FOXO3: variants seen among roughly 807,000 people sequenced by gnomAD.
FOXO3 encodes forkhead box protein O3.
In FOXO3, 4 loss-of-function variants were observed where a neutral mutation model predicts 41.9. The ratio of observed to expected loss-of-function variants is 0.10; its 90% CI spans 0.05 to 0.22. The LOEUF is 0.22. FOXO3 is among the 10% of genes least tolerant of loss of function. FOXO3 has a pLI of 1.00. For synonymous variants in FOXO3, 318 were observed against 389.3 expected, an observed-to-expected ratio of 0.82 and a Z score of 2.16; for missense variants, 534 against 906.8, an observed-to-expected ratio of 0.59 and a Z score of 5.28.
chr6:108,646,020 A>C (rs888603585), intron 1 of FOXO3, among the ~76,000 whole-genome samples: 3 of 152,156 alleles, frequency 2.0e-5, no homozygotes, highest in Non-Finnish European at 4.4e-5. Flanking sequence ...AAAGAAGTCT[A>C]GGGCTTGTGT....
chr6:108,612,564 C>T lies in FOXO3; in HGVS notation c.621+50735C>T, dbSNP rs554469011. On this transcript the variant is annotated intron_variant, in intron 1 of 2. Coordinates refer to ENST00000406360, the MANE Select transcript of FOXO3 (RefSeq NM_001455.4). ...GCGTGGTGGTGGGCACCTGTAATCC[C>T]GGCTACTCAGGAGGCTGTGGCAGAA... is the stretch of plus-strand genomic sequence containing the variant. Among the ~76,000 whole-genome samples, 75 of 151,918 alleles carry T rather than the reference C, an allele frequency of 4.9e-4. 1 individual carries two copies. In the Middle Eastern group the frequency reaches 0.02, roughly 41 times the overall value.
chr6:108,644,540 T>G (rs1414007761), intron 1 of FOXO3, among the ~76,000 whole-genome samples: 1 of 152,114 alleles, frequency 6.6e-6, no homozygotes. Flanking sequence ...TAAACTCTCC[T>G]GGGCACGATC....
chr6:108,560,862 C>T, upstream of FOXO3: 2 of 803,238 alleles, frequency 2.5e-6, no homozygotes, highest in Non-Finnish European at 3.4e-6. Context: ...GAGGGGGCTG[C>T]CCCGCGCGAG....
chr6:108,598,074 C>T (rs1265870058), intron 1 of FOXO3, among the ~76,000 whole-genome samples: 3 of 152,166 alleles, frequency 2.0e-5, no homozygotes, highest in South Asian at 2.1e-4. Context: ...ATTCCTCTCA[C>T]GGAGTTTGAG....
At chr6:108,647,457 A>C (rs1778422921) in intron 1 of FOXO3, among the ~76,000 whole-genome samples, 1 of 152,226 alleles carries the variant, frequency 6.6e-6, no homozygotes, top group Admixed American at 6.5e-5. Flanking sequence ...CACAAATAGC[A>C]TCACAGCAAA....
chr6:108,647,249 T>TG (rs1202361905), intron 1 of FOXO3, among the ~76,000 whole-genome samples: 1 of 152,216 alleles, frequency 6.6e-6, no homozygotes, highest in Non-Finnish European at 1.5e-5. Context: ...TACCCTAGAC[T>TG]GGAAGCATTA....
At chr6:108,664,931 A>G in intron 2 of FOXO3, 42 bp downstream of exon 2, 1 of 1,528,438 alleles carries the variant, frequency 6.5e-7, no homozygotes. Flanking sequence ...CAATATGGGG[A>G]TGAGGGGGGA....
chr6:108,665,934 A>G (rs913977897), intron 2 of FOXO3, among the ~76,000 whole-genome samples: 1 of 152,038 alleles, frequency 6.6e-6, no homozygotes, highest in Admixed American at 6.6e-5. Context: ...GTTTCCAAAC[A>G]TAGAGTGACA....
rs564070660 is a variant in FOXO3, at chr6:108,672,486, TTG to T, written c.*35-7337_*35-7336del. ...CACTGGACACTGGGATGCAGGTCTT[TTG>T]TGTCTTTCCTGCTCAGTAATAGATG... On this transcript the variant is annotated intron_variant, in intron 2 of 2. Coordinates refer to ENST00000406360, the MANE Select transcript of FOXO3 (RefSeq NM_001455.4). Among the ~76,000 whole-genome samples, 440 of 152,356 alleles carry T rather than the reference TTG, an allele frequency of 2.9e-3. 1 individual carries two copies. The highest frequency in any genetic ancestry group is 0.01 in the African/African-American group (420 of 41,588).
intron 1 of FOXO3, among the ~76,000 whole-genome samples, chr6:108,632,817 G>A (rs1198849112): frequency 2.0e-5 from 3 of 152,094 alleles, no homozygotes; most frequent in African/African-American, 7.2e-5. Flanking sequence ...TCTTTTGGAG[G>A]GGTATATGGA....
At chr6:108,591,282 C>T (rs188709193) in intron 1 of FOXO3, among the ~76,000 whole-genome samples, 1 of 152,340 alleles carries the variant, frequency 6.6e-6, no homozygotes, top group African/African-American at 2.4e-5. Context: ...TAGGTTTATA[C>T]TTCTTACCTG....
chr6:108,562,066 G>C (rs761931759), intron 1 of FOXO3, among the ~76,000 whole-genome samples: 1 of 152,140 alleles, frequency 6.6e-6, no homozygotes, highest in Non-Finnish European at 1.5e-5. Flanking sequence ...GGTGAGGAGA[G>C]GGGGCAGGGG....
rs994254279 is a variant in FOXO3 at position 108,561,149 on chromosome 6, C to T, written c.-60C>T. On this transcript the variant is annotated 5_prime_UTR_variant, in exon 1 of 3. Transcript: ENST00000406360. ...CGTCCACGTCCCTCCCCCGCTGCAC[C>T]CCGCCCCGGCGCGAGAGGAGAGCGC... 6 of 1,492,484 alleles carry T rather than the reference C, an allele frequency of 4.0e-6. No homozygotes were observed. In the African/African-American group the frequency reaches 5.8e-5, roughly 14 times the overall value. The allele number at this position is 1,492,484 out of a possible 1,614,324, so 92.5% of individuals were successfully genotyped here.
At chr6:108,676,515 A>C (rs1015671287) in intron 2 of FOXO3, among the ~76,000 whole-genome samples, 1 of 152,174 alleles carries the variant, frequency 6.6e-6, no homozygotes, top group Non-Finnish European at 1.5e-5. Flanking sequence ...TGCTGAGACT[A>C]CAGGCATGAG....
intron 1 of FOXO3, among the ~76,000 whole-genome samples, chr6:108,600,478 C>T (rs1777018846): frequency 7.6e-6 from 1 of 130,736 alleles, no homozygotes; most frequent in African/African-American, 2.9e-5. Flanking sequence ...ACTGGGGAGG[C>T]AGAGATTGCA....
chr6:108,602,248 ACT>A (rs1777072605), intron 1 of FOXO3, among the ~76,000 whole-genome samples: 1 of 151,820 alleles, frequency 6.6e-6, no homozygotes, highest in Non-Finnish European at 1.5e-5. Context: ...TTTTCTAGTC[ACT>A]CTTTTTTTTC....
intron 1 of FOXO3, among the ~76,000 whole-genome samples, chr6:108,635,858 G>T (rs183148475): frequency 8.5e-5 from 13 of 152,324 alleles, no homozygotes; most frequent in African/African-American, 2.9e-4. Flanking sequence ...ATTGGGCTGG[G>T]TTATGAATGA....
chr6:108,609,211 A>G (rs1170272011), intron 1 of FOXO3, among the ~76,000 whole-genome samples: 1 of 152,210 alleles, frequency 6.6e-6, no homozygotes, highest in African/African-American at 2.4e-5. Flanking sequence ...TCTAAGCCTT[A>G]CTATTTTTAA....
chr6:108,652,005 C>G (rs1296506392), intron 1 of FOXO3, among the ~76,000 whole-genome samples: 2 of 152,182 alleles, frequency 1.3e-5, no homozygotes, highest in Non-Finnish European at 1.5e-5. Context: ...CTCATAATAG[C>G]AAGGGCCAGG....
Sources: allele counts gnomAD v4.1 joint callset (sites outside exome capture counted in the v4.1 genomes callset), GRCh38; gene constraint gnomAD v4.1.1; transcripts MANE v1.5; gene names NCBI Gene and HGNC (gene_info 2026-07-23, HGNC 2026-07-21).